The following OPCML variants were observed in gnomAD, a reference collection of about 807,000 sequenced individuals.
OPCML encodes opioid binding protein/cell adhesion molecule like, also known as opioid-binding protein/cell adhesion molecule.
In OPCML, 13 loss-of-function variants were observed where a neutral mutation model predicts 37.8. That is an observed-to-expected ratio of 0.34 (90% CI 0.22 to 0.55). The LOEUF is 0.55. Ranked by LOEUF, OPCML falls within the 20% of genes least tolerant of loss-of-function variation. The pLI, the probability that OPCML is intolerant of heterozygous loss-of-function variation, is 0.91. For synonymous variants in OPCML, 176 were observed against 168.8 expected (o/e 1.04, Z -0.33); for missense variants, 341 against 435.6 (o/e 0.78, Z 1.93).
intron 1 of OPCML, among the ~76,000 whole-genome samples, chr11:133,043,952 A>G (rs1014938594): frequency 6.6e-6 from 1 of 152,220 alleles, no homozygotes; most frequent in Non-Finnish European, 1.5e-5. Context: ...CACTATGCTG[A>G]ATCGAGGGGG....
chr11:132,942,686 G>A (rs188062194), intron 2 of OPCML, among the ~76,000 whole-genome samples: 62 of 152,294 alleles, frequency 4.1e-4, no homozygotes, highest in African/African-American at 1.4e-3. Flanking sequence ...GAACCATGGA[G>A]TCCCACACGT....
intron 1 of OPCML, among the ~76,000 whole-genome samples, chr11:133,327,013 A>G (rs1271571659): frequency 6.3e-4 from 15 of 23,912 alleles, no homozygotes; most frequent in Admixed American, 1.1e-3. Context: ...GTGTATGGGG[A>G]GGGTGTGTGT....
chr11:133,498,300 C>T (rs1947829023), intron 1 of OPCML, among the ~76,000 whole-genome samples: 1 of 152,196 alleles, frequency 6.6e-6, no homozygotes, highest in Non-Finnish European at 1.5e-5. Context: ...GCCTGAAATT[C>T]TACCTTTGCT....
intron 1 of OPCML, chr11:133,423,170 T>C (rs1003942856): frequency 8.1e-6 from 8 of 985,308 alleles, no homozygotes; most frequent in Non-Finnish European, 9.6e-6. Context: ...CTTTACATCT[T>C]GAAGAATTTT....
At chr11:132,464,010 C>T (rs2096111803) in intron 4 of OPCML, among the ~76,000 whole-genome samples, 1 of 152,206 alleles carries the variant, frequency 6.6e-6, no homozygotes, top group Non-Finnish European at 1.5e-5. Context: ...GGAGTTTGAA[C>T]TACTAAATAG....
intron 1 of OPCML, among the ~76,000 whole-genome samples, chr11:133,148,611 C>T (rs1037678444): frequency 2.0e-5 from 3 of 152,106 alleles, no homozygotes; most frequent in Non-Finnish European, 2.9e-5. Context: ...CTCGCTCCAT[C>T]CCACCGCCCT....
chr11:133,346,766 C>G (rs370739743), intron 1 of OPCML, among the ~76,000 whole-genome samples: 256 of 152,252 alleles, frequency 1.7e-3, no homozygotes, highest in African/African-American at 5.7e-3. Flanking sequence ...TTAATTTAAC[C>G]TCTCTGAAAA....
intron 1 of OPCML, among the ~76,000 whole-genome samples, chr11:132,968,880 C>G (rs375517280): frequency 6.6e-6 from 1 of 152,138 alleles, no homozygotes; most frequent in Admixed American, 6.5e-5. Context: ...CTTTTCTTGT[C>G]TTGGACTTCT....
At position 133,522,474 on chromosome 11, in the gene OPCML, G is replaced by A. The variant is rs140436844; in HGVS notation, c.61+9790C>T. ...ATGCAAATGCCACTGAAGGAGACAG[G>A]GCTTCTGTTTGTTTGTTTTTGACCT... On this transcript the variant is annotated intron_variant, in intron 1 of 7. Coordinates refer to ENST00000524381, the MANE Select transcript of OPCML (RefSeq NM_001012393.5). 1.0e-3 allele frequency among the ~76,000 whole-genome samples: 152 copies of A among 152,270 alleles called. 1 individual carries two copies. Among genetic ancestry groups the A allele is most frequent in the African/African-American group, 3.4e-3 (140 of 41,554 alleles).
At chr11:133,519,075 C>G (rs1948349454) in intron 1 of OPCML, among the ~76,000 whole-genome samples, 1 of 152,102 alleles carries the variant, frequency 6.6e-6, no homozygotes, top group Non-Finnish European at 1.5e-5. Context: ...ACTGTGAGCT[C>G]CCGTTGCGGG....
chr11:133,078,270 T>C (rs931059952), intron 1 of OPCML, among the ~76,000 whole-genome samples: 1 of 152,124 alleles, frequency 6.6e-6, no homozygotes, highest in Admixed American at 6.5e-5. Context: ...AACATGGGGC[T>C]GAGTGAAAAC....
intron 1 of OPCML, among the ~76,000 whole-genome samples, chr11:133,274,423 A>G (rs1941935756): frequency 6.6e-6 from 1 of 152,176 alleles, no homozygotes; most frequent in Non-Finnish European, 1.5e-5. Context: ...AGAGGCAGGG[A>G]CTGAAGTGCT....
intron 1 of OPCML, among the ~76,000 whole-genome samples, chr11:133,191,872 G>A (rs949463066): frequency 6.6e-6 from 1 of 152,156 alleles, no homozygotes; most frequent in Non-Finnish European, 1.5e-5. Context: ...TGGAACCCAT[G>A]TACAGTCATT....
chr11:132,637,508 G>A (rs150587754), intron 3 of OPCML, among the ~76,000 whole-genome samples: 33 of 152,222 alleles, frequency 2.2e-4, no homozygotes, highest in African/African-American at 5.5e-4. Context: ...CCCTTGTTCA[G>A]CAGGTTTGTG....
intron 2 of OPCML, among the ~76,000 whole-genome samples, chr11:132,933,456 T>C (rs1211146903): frequency 6.6e-6 from 1 of 152,190 alleles, no homozygotes; most frequent in Non-Finnish European, 1.5e-5. Context: ...CAGCAACTAT[T>C]TAGGGAGATA....
intron 3 of OPCML, among the ~76,000 whole-genome samples, chr11:132,571,759 T>C (rs567319889): frequency 2.0e-5 from 3 of 152,304 alleles, no homozygotes; most frequent in African/African-American, 4.8e-5. Flanking sequence ...CTTTGAGATA[T>C]GGACCTCAAT....
intron 1 of OPCML, among the ~76,000 whole-genome samples, chr11:133,452,711 A>C (rs933569353): frequency 6.6e-6 from 1 of 151,674 alleles, no homozygotes; most frequent in Non-Finnish European, 1.5e-5. Context: ...TTCTACTACA[A>C]ACATCTCTAC....
intron 1 of OPCML, among the ~76,000 whole-genome samples, chr11:133,102,592 C>CA (rs1454140369): frequency 9.2e-5 from 14 of 151,714 alleles, no homozygotes; most frequent in Middle Eastern, 6.8e-3. Context: ...CTAAAAAATA[C>CA]AAAAAAAATT....
intron 2 of OPCML, among the ~76,000 whole-genome samples, chr11:132,831,021 C>CT (rs924411098): frequency 2.6e-4 from 39 of 149,100 alleles, no homozygotes; most frequent in Non-Finnish European, 3.7e-4. Flanking sequence ...CTCCCACCTG[C>CT]TTTTTTTTTT....
Sources: allele counts gnomAD v4.1 joint callset (sites outside exome capture counted in the v4.1 genomes callset), GRCh38; gene constraint gnomAD v4.1.1; transcripts MANE v1.5; gene names NCBI Gene and HGNC (gene_info 2026-07-23, HGNC 2026-07-21).